Variants in IGF2R observed in about 807,000 individuals in gnomAD.
IGF2R encodes the protein cation-independent mannose-6-phosphate receptor.
Under a neutral mutation model 270.6 loss-of-function variants are expected in IGF2R, and 91 were observed. That is an observed-to-expected ratio of 0.34 (90% CI 0.28 to 0.40). The LOEUF is 0.40. Ranked by LOEUF, IGF2R falls within the 10% of genes least tolerant of loss-of-function variation. IGF2R has a pLI of 1.00. For missense variants in IGF2R, 2,805 were observed against 3,188.3 expected (o/e 0.88, Z 2.90); for synonymous variants, 1,316 against 1,258.9 (o/e 1.05, Z -0.96).
At chr6:160,019,936 A>G (rs989615241) in intron 4 of IGF2R, among the ~76,000 whole-genome samples, 1 of 152,188 alleles carries the variant, frequency 6.6e-6, no homozygotes, top group African/African-American at 2.4e-5. Context: ...CTCCTATTCA[A>G]CATAGTACTG....
rs762646746 is a variant in IGF2R at position 160,047,913 on chromosome 6, G to T, written c.2345+6G>T. 3 of 1,566,586 alleles carry T rather than the reference G, an allele frequency of 1.9e-6. No individual in the cohort carries two copies. The highest frequency in any genetic ancestry group is 2.7e-5 in the African/African-American group (2 of 74,054). On this transcript the variant is annotated splice_donor_region_variant and intron_variant, in intron 17 of 47. Transcript: ENST00000356956. Reference sequence around the variant, plus strand: ...GAGCAGTACGACCTCTCCAGGTGAGGCAGAGTCAGCTGCTCTGTTTTTGGC... The same window carrying T: ...GAGCAGTACGACCTCTCCAGGTGAGTCAGAGTCAGCTGCTCTGTTTTTGGC...
intron 44 of IGF2R, chr6:160,094,187 A>C (rs1010564457): frequency 5.3e-6 from 2 of 375,712 alleles, no homozygotes; most frequent in African/African-American, 2.1e-5. Context: ...GCGTTACAGA[A>C]TGGTACACCC....
intron 1 of IGF2R, among the ~76,000 whole-genome samples, chr6:159,977,992 G>C (rs780314357): frequency 6.6e-6 from 1 of 152,194 alleles, no homozygotes; most frequent in Non-Finnish European, 1.5e-5. Context: ...GTGTTCATTG[G>C]TGCTGTAGTG....
Position 160,010,552 on chromosome 6 carries a change from T to A in IGF2R, c.415-135T>A, listed in dbSNP as rs549090272. 210 of 593,568 alleles carry A rather than the reference T, an allele frequency of 3.5e-4. No homozygotes were observed. The African/African-American group carries it at 3.6e-3, about 10-fold the overall frequency. The allele number at this position is 593,568 out of a possible 1,614,324, so 36.8% of individuals were successfully genotyped here. ...GAACCTCTTGATGACCCCGTTTAACTAAAGCGGTTGCATCCCCTGCCCTTC... is the reference window on the plus strand; with the variant it reads ...GAACCTCTTGATGACCCCGTTTAACAAAAGCGGTTGCATCCCCTGCCCTTC... On this transcript the variant is annotated intron_variant, in intron 3 of 47. Coordinates refer to ENST00000356956, the MANE Select transcript of IGF2R (RefSeq NM_000876.4).
Position 160,009,105 on chromosome 6 carries a change from A to T in IGF2R, c.385A>T (p.Ser129Cys), listed in dbSNP as rs1328708338. ...QQGTNHRVQSSIAFLCGKTLG... is the reference protein window; with the variant it reads ...QQGTNHRVQSCIAFLCGKTLG... ...AGGCACAAATCACAGAGTCCAGAGC[A>T]GCATTGCCTTCCTGTGTGGGAAAAC... The change falls in exon 3 of 48, where the codon AGC (serine) becomes TGC (cysteine). Residue 129 changes from serine to cysteine, a missense_variant. Physicochemically the swap from Ser to Cys is moderately radical, Grantham distance 112. Around this residue, in one of 2 missense-constraint regions of IGF2R, gnomAD observed 954 missense variants for 981.1 expected, o/e 0.97. Coordinates refer to ENST00000356956, the MANE Select transcript of IGF2R (RefSeq NM_000876.4). The T allele has an allele frequency of 1.9e-6, 3 of 1,613,762 alleles. No homozygotes were observed. The African/African-American group carries it at 4.0e-5, about 22-fold the overall frequency.
chr6:160,108,379 G>C lies in IGF2R; in HGVS notation c.*3295G>C. 6.6e-6 allele frequency: 1 copy of C among 152,522 alleles called. No homozygotes were observed. The highest frequency in any genetic ancestry group is 1.5e-5 in the Non-Finnish European group (1 of 68,238). 9.4% of individuals were successfully genotyped at this position (152,522 alleles called of 1,614,324 possible). On this transcript the variant is annotated 3_prime_UTR_variant, in exon 48 of 48. Coordinates refer to ENST00000356956, the MANE Select transcript of IGF2R (RefSeq NM_000876.4). ...GGCAGAAGCAAGCCCAGAACTTGGA[G>C]CCTGTTGTGACTGTCACAGTAAGGA...
At chr6:160,023,020 A>G (rs373847750) in intron 4 of IGF2R, among the ~76,000 whole-genome samples, 1 of 152,268 alleles carries the variant, frequency 6.6e-6, no homozygotes, top group East Asian at 1.9e-4. Context: ...TTTCCTTCTC[A>G]GTGTAATGGG....
Position 160,040,565 on chromosome 6 carries a change from G to T in IGF2R, c.1321G>T (p.Asp441Tyr). The change falls in exon 11 of 48, where the codon GAT (aspartate) becomes TAT (tyrosine). Residue 441 changes from aspartate (D) to tyrosine (Y), a missense_variant. Transcript: ENST00000356956. ...NFECNKTAGN[D>Y]GKGTPVFTGE... ...TCTCCTCTTGAATTGTGCAGGTAAC[G>T]ATGGGAAAGGAACTCCTGTATTCAC... The T allele has an allele frequency of 1.2e-6, 2 of 1,613,976 alleles. No homozygotes were observed. Among genetic ancestry groups the T allele is most frequent in the East Asian group, 4.5e-5 (2 of 44,876 alleles).
intron 10 of IGF2R, among the ~76,000 whole-genome samples, chr6:160,036,858 T>C (rs1777838153): frequency 6.6e-6 from 1 of 152,128 alleles, no homozygotes; most frequent in South Asian, 2.1e-4. Context: ...TGGGTTTGGT[T>C]CCCAGCTGCC....
chr6:160,103,913 C>A, intron 47 of IGF2R, 98 bp downstream of exon 47: 1 of 764,766 alleles, frequency 1.3e-6, no homozygotes, highest in Non-Finnish European at 2.3e-6. Flanking sequence ...GGAAAGCAGT[C>A]ACAGGCTGAC....
chr6:160,015,366 T>A (rs1283928331), intron 4 of IGF2R, among the ~76,000 whole-genome samples: 1 of 152,214 alleles, frequency 6.6e-6, no homozygotes, highest in Non-Finnish European at 1.5e-5. Context: ...TACAGGAATG[T>A]TTCACATAGT....
intron 44 of IGF2R, among the ~76,000 whole-genome samples, chr6:160,091,427 C>G (rs1779224114): frequency 6.6e-6 from 1 of 152,156 alleles, no homozygotes; most frequent in Admixed American, 6.5e-5. Context: ...AGTGCATCTC[C>G]ACGACGGCAG....
intron 10 of IGF2R, among the ~76,000 whole-genome samples, chr6:160,035,672 A>G (rs1777803735): frequency 6.6e-6 from 1 of 152,174 alleles, no homozygotes; most frequent in Non-Finnish European, 1.5e-5. Flanking sequence ...TTTTTTAAGT[A>G]CCTATTTGCT....
intron 1 of IGF2R, among the ~76,000 whole-genome samples, chr6:159,990,699 G>A (rs1000794448): frequency 2.6e-5 from 4 of 151,856 alleles, no homozygotes; most frequent in Admixed American, 6.6e-5. Flanking sequence ...GCACGATCTC[G>A]GCTCACTGCA....
chr6:160,086,878 TGTGTGTGTG>T (rs1355616656), intron 41 of IGF2R, among the ~76,000 whole-genome samples: 7 of 151,980 alleles, frequency 4.6e-5, no homozygotes, highest in Admixed American at 3.9e-4. Context: ...GAAGGATCTG[TGTGTGTGTG>T]GTCAGGGTGG....
In IGF2R at chr6:160,105,003, C is replaced by T. The variant is rs1174745082; in HGVS notation, c.7395C>T (p.Ser2465=). ...RGEKARKGKS[S]SAQQKTVSST... ...AGAAGGCGAGGAAAGGGAAGTCCAG[C>T]TCTGCACAGCAGAAGACAGTGAGCT... Residue 2465 remains serine (S), a synonymous_variant, in exon 48 of 48, where the codon AGC becomes AGT. Coordinates refer to ENST00000356956, the MANE Select transcript of IGF2R (RefSeq NM_000876.4). 1.2e-6 allele frequency: 2 copies of T among 1,613,788 alleles called. No individual in the cohort carries two copies. The highest frequency in any genetic ancestry group is 1.7e-5 in the Admixed American group (1 of 60,004).
chr6:160,014,615 A>G (rs1344201151), intron 4 of IGF2R, among the ~76,000 whole-genome samples: 1 of 152,202 alleles, frequency 6.6e-6, no homozygotes, highest in African/African-American at 2.4e-5. Flanking sequence ...CCTTCTTGCC[A>G]TATGCCATCT....
chr6:160,010,513 A>G, intron 3 of IGF2R, 174 bp from the exon 4 acceptor site: 1 of 517,564 alleles, frequency 1.9e-6, no homozygotes, highest in East Asian at 3.0e-5. Flanking sequence ...TGGTCTCAGA[A>G]TTTGCAGATT....
rs368872465 is a variant in IGF2R at position 160,061,906 on chromosome 6, C to T, written c.3560C>T (p.Thr1187Met). The change falls in exon 25 of 48, where the codon ACG becomes ATG. Residue 1187 changes from threonine (T) to methionine (M), a missense_variant. Around this residue, in one of 2 missense-constraint regions of IGF2R, gnomAD observed 1,851 missense variants for 2,207.2 expected, o/e 0.84. Coordinates refer to ENST00000356956, the MANE Select transcript of IGF2R (RefSeq NM_000876.4). ...CGNQRFSTRI[T>M]FECAQISGSP... ...AACCAGCGCTTCTCCACCAGGATCACGTTTGAGTGTGCTCAGATATCGGTG... is the reference window on the plus strand; with the variant it reads ...AACCAGCGCTTCTCCACCAGGATCATGTTTGAGTGTGCTCAGATATCGGTG... 9 of 1,614,144 alleles carry T rather than the reference C, an allele frequency of 5.6e-6. No individual in the cohort carries two copies. Among genetic ancestry groups the T allele is most frequent in the Admixed American group, 5.0e-5 (3 of 60,016 alleles).
Sources: allele counts gnomAD v4.1 joint callset (sites outside exome capture counted in the v4.1 genomes callset), GRCh38; gene constraint gnomAD v4.1.1; regional missense constraint gnomAD v4.1.1; transcripts MANE v1.5; gene names NCBI Gene and HGNC (gene_info 2026-07-23, HGNC 2026-07-21).